Variants in OSBPL1A observed in about 807,000 individuals in gnomAD.
The protein encoded by OSBPL1A is oxysterol-binding protein-related protein 1.
In OSBPL1A, 80 loss-of-function variants were observed where a neutral mutation model predicts 137.1. The observed-to-expected ratio is 0.58, with a 90% CI of 0.49 to 0.70. The LOEUF is 0.70. Among genes scored for constraint, OSBPL1A ranks in the 30% least tolerant of loss-of-function variants. The pLI, the probability that OSBPL1A is intolerant of heterozygous loss-of-function variation, is 0.00. For synonymous variants in OSBPL1A, 365 were observed against 389.7 expected (o/e 0.94, Z 0.75); for missense variants, 970 against 1,129.4 (o/e 0.86, Z 2.02).
chr18:24,231,066 C>T (rs530903174), intron 16 of OSBPL1A, among the ~76,000 whole-genome samples: 7 of 152,180 alleles, frequency 4.6e-5, no homozygotes, highest in African/African-American at 1.2e-4. Flanking sequence ...GGCAACAGAG[C>T]GAGACCCTGT....
At chr18:24,203,910 T>C (rs2145957016) in intron 17 of OSBPL1A, among the ~76,000 whole-genome samples, 1 of 152,378 alleles carries the variant, frequency 6.6e-6, no homozygotes, top group East Asian at 1.9e-4. Flanking sequence ...AAGAATACTA[T>C]ATCTCAAAAT....
At chr18:24,358,101 A>C in intron 4 of OSBPL1A, 1 of 264,138 alleles carries the variant, frequency 3.8e-6, no homozygotes, top group Non-Finnish European at 7.1e-6. Flanking sequence ...TGTACGTGGA[A>C]GAACAGGTTT....
intron 17 of OSBPL1A, among the ~76,000 whole-genome samples, chr18:24,199,161 G>A (rs1599478657): frequency 6.6e-6 from 1 of 151,852 alleles, no homozygotes; most frequent in African/African-American, 2.4e-5. Context: ...ACCTGGCCCA[G>A]GTGCCACTTT....
intron 21 of OSBPL1A, 114 bp from the exon 22 acceptor site, chr18:24,172,597 C>G: frequency 1.5e-6 from 1 of 684,358 alleles, no homozygotes; most frequent in Non-Finnish European, 2.5e-6. Flanking sequence ...CTTGAGATAA[C>G]TACGTTCTAA....
intron 15 of OSBPL1A, among the ~76,000 whole-genome samples, chr18:24,253,155 G>A (rs2089152052): frequency 3.7e-5 from 2 of 53,464 alleles, no homozygotes; most frequent in African/African-American, 4.6e-5. Flanking sequence ...ACTCTCCAAT[G>A]AAAAGACATG....
At chr18:24,291,497 G>A (rs1384656205) in intron 14 of OSBPL1A, among the ~76,000 whole-genome samples, 1 of 152,042 alleles carries the variant, frequency 6.6e-6, no homozygotes, top group African/African-American at 2.4e-5. Context: ...AAGAAATGAG[G>A]TAGGAGGATA....
intron 18 of OSBPL1A, among the ~76,000 whole-genome samples, chr18:24,191,584 A>C (rs2086893802): frequency 6.6e-6 from 1 of 152,238 alleles, no homozygotes; most frequent in Admixed American, 6.5e-5. Context: ...TTACAATTGT[A>C]ATCAAATACT....
At chr18:24,355,079 G>T (rs1338662094) in intron 4 of OSBPL1A, among the ~76,000 whole-genome samples, 1 of 152,190 alleles carries the variant, frequency 6.6e-6, no homozygotes, top group East Asian at 1.9e-4. Flanking sequence ...AAGGGGAATT[G>T]CCAGGGAGCT....
chr18:24,234,384 T>A (rs1437636249), intron 16 of OSBPL1A, among the ~76,000 whole-genome samples: 1 of 152,228 alleles, frequency 6.6e-6, no homozygotes, highest in East Asian at 1.9e-4. Flanking sequence ...TGAGGCTTCA[T>A]TAAATTTATC....
At chr18:24,362,546 A>G (rs1005491071) in intron 4 of OSBPL1A, among the ~76,000 whole-genome samples, 2 of 152,236 alleles carry the variant, frequency 1.3e-5, no homozygotes, top group Non-Finnish European at 2.9e-5. Flanking sequence ...GAAAAGTGTG[A>G]AACAATATAA....
At chr18:24,187,243 T>G (rs374632423) in intron 18 of OSBPL1A, among the ~76,000 whole-genome samples, 1 of 151,890 alleles carries the variant, frequency 6.6e-6, no homozygotes, top group Admixed American at 6.6e-5. Flanking sequence ...GAAGGGGAAG[T>G]AGGGAAGTTG....
intron 17 of OSBPL1A, among the ~76,000 whole-genome samples, chr18:24,216,422 G>C (rs1429023319): frequency 6.6e-6 from 1 of 152,208 alleles, no homozygotes; most frequent in East Asian, 1.9e-4. Context: ...CAGGAGAATT[G>C]CTTGAACCCG....
At chr18:24,281,768 G>A (rs961152746) in intron 14 of OSBPL1A, among the ~76,000 whole-genome samples, 1 of 152,120 alleles carries the variant, frequency 6.6e-6, no homozygotes, top group African/African-American at 2.4e-5. Context: ...AGAAAGAATG[G>A]AGCCTTCTCC....
At position 24,173,145 on chromosome 18, in the gene OSBPL1A, G is replaced by T. The variant is rs570222690; in HGVS notation, c.2094-662C>A. Among the ~76,000 whole-genome samples the T allele has an allele frequency of 1.7e-4, 26 of 152,240 alleles. 1 individual carries two copies. The South Asian group carries it at 5.4e-3, about 32-fold the overall frequency. On this transcript the variant is annotated intron_variant, in intron 21 of 27. Transcript: ENST00000319481. ...CATTATTCTTAGCAAACTAACGCAG[G>T]AACAGAAAACCAAATACCACATGTT...
At chr18:24,320,441 G>C (rs1352270426) in intron 7 of OSBPL1A, among the ~76,000 whole-genome samples, 3 of 152,198 alleles carry the variant, frequency 2.0e-5, no homozygotes, top group Non-Finnish European at 4.4e-5. Context: ...CTTTGAGGAA[G>C]GGATGTCTAG....
chr18:24,382,394 G>A (rs1906659326), intron 1 of OSBPL1A, among the ~76,000 whole-genome samples: 1 of 135,588 alleles, frequency 7.4e-6, no homozygotes. Flanking sequence ...GCAACAGAGT[G>A]AGACTCCGTC....
chr18:24,361,669 A>G (rs1232068914), intron 4 of OSBPL1A, among the ~76,000 whole-genome samples: 1 of 152,230 alleles, frequency 6.6e-6, no homozygotes, highest in South Asian at 2.1e-4. Context: ...AAAACAAGAC[A>G]TGATAATTCC....
intron 1 of OSBPL1A, among the ~76,000 whole-genome samples, chr18:24,393,722 GGATTACAGGTGT>G (rs1379140158): frequency 1.3e-5 from 2 of 152,222 alleles, no homozygotes; most frequent in East Asian, 1.9e-4. Flanking sequence ...CAAAGTGCTG[GGATTACAGGTGT>G]GAGCCACTGC....
At chr18:24,379,094 T>TA (rs564718931) in intron 1 of OSBPL1A, among the ~76,000 whole-genome samples, 6 of 150,528 alleles carry the variant, frequency 4.0e-5, no homozygotes, top group South Asian at 2.1e-4. Flanking sequence ...AAGATGCTAT[T>TA]AAAAAAAAAT....
Sources: allele counts gnomAD v4.1 joint callset (sites outside exome capture counted in the v4.1 genomes callset), GRCh38; gene constraint gnomAD v4.1.1; transcripts MANE v1.5; gene names NCBI Gene and HGNC (gene_info 2026-07-23, HGNC 2026-07-21).